The following GAL3ST1 variants were observed in gnomAD, a reference collection of about 807,000 sequenced individuals.
GAL3ST1 encodes the protein galactose-3-O-sulfotransferase 1.
Under a neutral mutation model 25.0 loss-of-function variants are expected in GAL3ST1, and 13 were observed. The ratio of observed to expected loss-of-function variants is 0.52; its 90% CI spans 0.34 to 0.83. GAL3ST1 has a LOEUF of 0.83. Among genes scored for constraint, GAL3ST1 ranks in the 40% least tolerant of loss-of-function variants. The probability of loss-of-function intolerance (pLI) is 0.02; values close to 1 mark genes in which losing one functional copy is unlikely to be tolerated. For synonymous variants in GAL3ST1, 274 were observed against 277.8 expected (o/e 0.99, Z 0.14); for missense variants, 474 against 613.6 (o/e 0.77, Z 2.40).
At chr22:30,574,070 G>C (rs927637967) in intron 1 of GAL3ST1, among the ~76,000 whole-genome samples, 57 of 152,256 alleles carry the variant, frequency 3.7e-4, no homozygotes, top group Admixed American at 2.4e-3. Flanking sequence ...GATGGAGACA[G>C]GGGAGATCTC....
chr22:30,561,323 C>T (rs992179592), intron 1 of GAL3ST1, among the ~76,000 whole-genome samples: 13 of 152,196 alleles, frequency 8.5e-5, no homozygotes, highest in Admixed American at 2.6e-4. Flanking sequence ...TTGGGCTATC[C>T]CTCCTAGTTT....
intron 2 of GAL3ST1, chr22:30,557,787 C>A (rs1235037007): frequency 6.6e-6 from 1 of 150,478 alleles, no homozygotes; most frequent in Non-Finnish European, 1.5e-5. Flanking sequence ...TACTTATTAC[C>A]TTTTTTTTTT....
At position 30,574,585 on chromosome 22, in the gene GAL3ST1, T is replaced by TGCCCCC. The variant is rs1189836383; in HGVS notation, c.-245_-240dup. The TGCCCCC allele has an allele frequency of 1.1e-3, 155 of 144,748 alleles. 1 individual carries two copies. The highest frequency in any genetic ancestry group is 3.5e-3 in the African/African-American group (139 of 40,240). 9.0% of individuals were successfully genotyped at this position (144,748 alleles called of 1,614,324 possible). On this transcript the variant is annotated 5_prime_UTR_variant, in exon 1 of 4. Transcript: ENST00000406361. ...CCCCCGCTCCACCAGGCCTGGTCCA[T>TGCCCCC]GCCCCCGCCCCCGCCGCCGCTGCCG...
At chr22:30,573,375 A>G (rs1158433201) in intron 1 of GAL3ST1, among the ~76,000 whole-genome samples, 1 of 152,160 alleles carries the variant, frequency 6.6e-6, no homozygotes, top group African/African-American at 2.4e-5. Flanking sequence ...AAGTCATTGA[A>G]TTTCCCTGAG....
At chr22:30,561,584 T>C (rs1375281889) in intron 1 of GAL3ST1, among the ~76,000 whole-genome samples, 1 of 152,224 alleles carries the variant, frequency 6.6e-6, no homozygotes, top group Non-Finnish European at 1.5e-5. Flanking sequence ...TGCTTCCTGC[T>C]TTGTCCATGG....
intron 1 of GAL3ST1, among the ~76,000 whole-genome samples, chr22:30,562,403 T>C (rs2086460960): frequency 6.6e-6 from 1 of 152,182 alleles, no homozygotes; most frequent in Admixed American, 6.5e-5. Flanking sequence ...CTTGAGTTCC[T>C]GGCCTCAAGT....
chr22:30,555,050 C>A lies in GAL3ST1; in HGVS notation c.1175G>T (p.Arg392Leu). 6.2e-7 allele frequency: 1 copy of A among 1,612,094 alleles called. No individual in the cohort carries two copies. Among genetic ancestry groups the A allele is most frequent in the East Asian group, 2.2e-5 (1 of 44,834 alleles). The change falls in exon 4 of 4, where the codon CGC (arginine) becomes CTC (leucine). Residue 392 changes from arginine to leucine, a missense_variant. By Grantham distance (102) the Arg-to-Leu change is moderately radical. Transcript: ENST00000406361. This position sits in a 1 kb window ranked among gnomAD's most constrained non-coding sequence, Gnocchi z 8.6. ...IGQRHAQLCR[R>L]MLTPEIQYLM... ...GTACTGGATCTCGGGCGTGAGCATG[C>A]GCCGGCAGAGCTGCGCGTGCCGCTG...
intron 1 of GAL3ST1, among the ~76,000 whole-genome samples, chr22:30,558,865 A>C (rs995207293): frequency 2.0e-5 from 3 of 152,232 alleles, no homozygotes; most frequent in African/African-American, 4.8e-5. Flanking sequence ...TTATACTAAA[A>C]ATTATTCCAA....
intron 1 of GAL3ST1, among the ~76,000 whole-genome samples, chr22:30,572,123 C>T (rs1317952661): frequency 6.6e-6 from 1 of 152,108 alleles, no homozygotes; most frequent in Non-Finnish European, 1.5e-5. Flanking sequence ...ACAGCTTCAC[C>T]AAGAAGTCAG....
intron 1 of GAL3ST1, among the ~76,000 whole-genome samples, chr22:30,564,231 TATC>T (rs1404358607): frequency 1.3e-5 from 2 of 152,138 alleles, no homozygotes; most frequent in African/African-American, 2.4e-5. Flanking sequence ...CCATCATTGT[TATC>T]ATCATTATCA....
chr22:30,568,223 G>A (rs1192598666), intron 1 of GAL3ST1, among the ~76,000 whole-genome samples: 1 of 152,224 alleles, frequency 6.6e-6, no homozygotes, highest in African/African-American at 2.4e-5. Context: ...AGGCTTCCTG[G>A]GGTAGGGGCC....
intron 1 of GAL3ST1, among the ~76,000 whole-genome samples, chr22:30,566,822 G>T (rs1385727558): frequency 6.6e-6 from 1 of 152,074 alleles, no homozygotes; most frequent in Non-Finnish European, 1.5e-5. Context: ...TGTTAGCCAG[G>T]ATGGTCTCGA....
intron 1 of GAL3ST1, among the ~76,000 whole-genome samples, chr22:30,569,974 T>G (rs2086732636): frequency 6.6e-6 from 1 of 152,080 alleles, no homozygotes; most frequent in Admixed American, 6.6e-5. Flanking sequence ...CCCCAGCTAC[T>G]CAGGAGGCTG....
At position 30,558,327 on chromosome 22, in the gene GAL3ST1, C is replaced by T. The variant is rs1203831504; in HGVS notation, c.-58G>A. 6.6e-6 allele frequency: 1 copy of T among 152,146 alleles called. No individual in the cohort carries two copies. Among genetic ancestry groups the T allele is most frequent in the African/African-American group, 2.4e-5 (1 of 41,448 alleles). 9.4% of individuals were successfully genotyped at this position (152,146 alleles called of 1,614,324 possible). ...GCTGAGGCGGGAGGATTGCTTGAGC[C>T]TGAGTTCCAGTGAGCCATGACTGTG... On this transcript the variant is annotated 5_prime_UTR_variant, in exon 2 of 4. Coordinates refer to ENST00000406361, the MANE Select transcript of GAL3ST1 (RefSeq NM_001318104.2).
intron 1 of GAL3ST1, among the ~76,000 whole-genome samples, chr22:30,573,191 G>A (rs537913685): frequency 1.3e-5 from 2 of 152,132 alleles, no homozygotes; most frequent in Admixed American, 6.6e-5. Context: ...AGGGAGGCGA[G>A]GGGGGGTGTC....
At position 30,554,724 on chromosome 22, in the gene GAL3ST1, A is replaced by C; in HGVS notation, c.*229T>G. The C allele has an allele frequency of 2.5e-6, 1 of 402,672 alleles. No individual in the cohort carries two copies. 24.9% of individuals were successfully genotyped at this position (402,672 alleles called of 1,614,324 possible). A position where few individuals can be genotyped will look rare whatever the true frequency, so the allele number is the denominator to read the frequency against. On this transcript the variant is annotated 3_prime_UTR_variant, in exon 4 of 4. Transcript: ENST00000406361. The stretch of plus-strand genomic sequence containing the variant: ...TAGAACATTCTTTATCGGGGAGGGA[A>C]AGGGGTTTAATAAAAACTGGTATAA...
intron 1 of GAL3ST1, among the ~76,000 whole-genome samples, chr22:30,559,296 T>A (rs533586659): frequency 5.9e-5 from 9 of 152,272 alleles, no homozygotes; most frequent in South Asian, 4.1e-4. Flanking sequence ...GCTGGAGTGC[T>A]GTGGCGCAAT....
In GAL3ST1 at chr22:30,574,638, GCT is replaced by G. The variant is rs1342992358; in HGVS notation, c.-294_-293del. 2.1e-5 allele frequency: 3 copies of G among 143,420 alleles called. No individual in the cohort carries two copies. The highest frequency in any genetic ancestry group is 7.6e-5 in the African/African-American group (3 of 39,286). The allele number at this position is 143,420 out of a possible 1,614,324, so 8.9% of individuals were successfully genotyped here. On this transcript the variant is annotated 5_prime_UTR_variant, in exon 1 of 4. Transcript: ENST00000406361. ...CCGCGCCCGCTCCCGCGCCGCGCCC[GCT>G]CCCGGCCAGGTGCCGCCGCCAGCCT...
rs563658224 is a variant in GAL3ST1 at position 30,570,587 on chromosome 22, G to A, written c.-120+3879C>T. On this transcript the variant is annotated intron_variant, in intron 1 of 3. Transcript: ENST00000406361. ...CAAGGCGGGTGGATCACCTGAGGTC[G>A]GGAGTTTGAGACCAGCCTGACAACA... is the stretch of plus-strand genomic sequence containing the variant. Among the ~76,000 whole-genome samples, 9 of 152,176 alleles carry A rather than the reference G, an allele frequency of 5.9e-5. No individual in the cohort carries two copies. In the South Asian group the frequency reaches 6.2e-4, roughly 11 times the overall value.
Sources: gnomAD v4.1 joint callset for allele counts (sites outside exome capture counted in the v4.1 genomes callset) on GRCh38, gnomAD v4.1.1 for gene constraint, Gnocchi (gnomAD v3.1) non-coding constraint, MANE v1.5 for transcripts, NCBI Gene and HGNC (gene_info 2026-07-23, HGNC 2026-07-21) for gene names.